Variants in ZNF266 observed in about 807,000 individuals in gnomAD.
ZNF266 encodes zinc finger protein 1.
Under a neutral mutation model 16.4 loss-of-function variants are expected in ZNF266, and 16 were observed. That is an observed-to-expected ratio of 0.98 (90% CI 0.66 to 1.48). The LOEUF (loss-of-function observed/expected upper bound fraction) is 1.48. ZNF266 is among the 40% of genes most tolerant of loss of function. The pLI is 0.00. For synonymous variants in ZNF266, 262 were observed against 237.9 expected (o/e 1.10, Z -0.93); for missense variants, 738 against 689.1 (o/e 1.07, Z -0.79).
chr19:9,427,389 G>A (rs1202730951), intron 5 of ZNF266, among the ~76,000 whole-genome samples: 7 of 151,796 alleles, frequency 4.6e-5, no homozygotes, highest in African/African-American at 1.5e-4. Flanking sequence ...GCACAATCTC[G>A]GTTCACTGCA....
At chr19:9,432,776 A>C (rs1170202178) in intron 5 of ZNF266, among the ~76,000 whole-genome samples, 2 of 117,842 alleles carry the variant, frequency 1.7e-5, no homozygotes, top group Non-Finnish European at 3.7e-5. Context: ...GATGGCAGTT[A>C]ACAGTGGTGG....
At chr19:9,417,622 G>T (rs1599453907) in intron 9 of ZNF266, among the ~76,000 whole-genome samples, 2 of 152,060 alleles carry the variant, frequency 1.3e-5, no homozygotes, top group East Asian at 3.9e-4. Context: ...AGCTACTCAG[G>T]GGGCTGAGGC....
intron 5 of ZNF266, among the ~76,000 whole-genome samples, chr19:9,432,919 T>A (rs2071837368): frequency 6.6e-6 from 1 of 152,154 alleles, no homozygotes; most frequent in Non-Finnish European, 1.5e-5. Flanking sequence ...TGTATCATTA[T>A]CAAATGTTTT....
rs2123146202 is a variant in ZNF266 at position 9,423,127 on chromosome 19, G to A, written c.-129-2909C>T. Among the ~76,000 whole-genome samples, 5 of 152,320 alleles carry A rather than the reference G, an allele frequency of 3.3e-5. 1 individual carries two copies. In the South Asian group the frequency reaches 1.0e-3, roughly 32 times the overall value. On this transcript the variant is annotated intron_variant, in intron 5 of 10. Transcript: ENST00000592904. Reference sequence around the variant, plus strand: ...TCATGACAGCAGGGATAAAGGCTATGTGTGGGCTCAGCAATAAGGACTTCC... The same window carrying A: ...TCATGACAGCAGGGATAAAGGCTATATGTGGGCTCAGCAATAAGGACTTCC...
Position 9,413,712 on chromosome 19 carries a change from C to T in ZNF266, c.1414G>A (p.Glu472Lys), listed in dbSNP as rs767893799. ...CATTTGACACATTCAAAAGGCTTCT[C>T]TCCAGTGTGAGTTCTTGTATGTTCA... ...LSEHTRTHTGEKPFECVKCGK... is the reference protein window; with the variant it reads ...LSEHTRTHTGKKPFECVKCGK... Residue 472 changes from glutamate (E) to lysine (K), a missense_variant, in exon 11 of 11, where the codon GAG (glutamate) becomes AAG (lysine). Glu to Lys is a moderately conservative substitution (Grantham distance 56). Coordinates refer to ENST00000592904, the MANE Select transcript of ZNF266 (RefSeq NM_001370374.1). The T allele has an allele frequency of 1.5e-5, 25 of 1,614,090 alleles. No homozygotes were observed. The highest frequency in any genetic ancestry group is 2.1e-5 in the Non-Finnish European group (25 of 1,180,040).
intron 5 of ZNF266, among the ~76,000 whole-genome samples, chr19:9,432,190 C>A (rs1401186088): frequency 6.6e-6 from 1 of 152,126 alleles, no homozygotes; most frequent in Non-Finnish European, 1.5e-5. Flanking sequence ...AACTCCTGAC[C>A]TGAAGTGATC....
intron 5 of ZNF266, among the ~76,000 whole-genome samples, chr19:9,424,220 C>CAAAAAAAAAAAAAAAAA (rs55740067): frequency 8.2e-6 from 1 of 121,630 alleles, no homozygotes; most frequent in Admixed American, 8.5e-5. Context: ...AACCAAGAGG[C>CAAAAAAAAAAAAAAAAA]AAAAAAAAAA....
chr19:9,423,560 C>A (rs993860268), intron 5 of ZNF266, among the ~76,000 whole-genome samples: 1 of 152,192 alleles, frequency 6.6e-6, no homozygotes, highest in East Asian at 1.9e-4. Flanking sequence ...AAAGTGGAAT[C>A]GCATACTGAA....
chr19:9,420,259 G>C (rs2069654219), intron 5 of ZNF266, 41 bp from the exon 6 acceptor site: 1 of 152,212 alleles, frequency 6.6e-6, no homozygotes, highest in Admixed American at 6.5e-5. Context: ...TTACTTATCA[G>C]TCATCAGACA....
chr19:9,423,090 A>G (rs1181980582), intron 5 of ZNF266, among the ~76,000 whole-genome samples: 2 of 152,212 alleles, frequency 1.3e-5, no homozygotes, highest in Non-Finnish European at 2.9e-5. Context: ...CAATGGGCCC[A>G]TTAAAAAATG....
intron 9 of ZNF266, among the ~76,000 whole-genome samples, chr19:9,417,262 G>A (rs150172801): frequency 7.9e-5 from 12 of 152,096 alleles, no homozygotes; most frequent in South Asian, 4.2e-4. Context: ...CCGGCTACTC[G>A]GGAGGACGAG....
rs754531737 is a variant in ZNF266, at chr19:9,414,462, C to A, written c.664G>T (p.Ala222Ser). The change falls in exon 11 of 11, where the codon GCT becomes TCT. Residue 222 changes from alanine to serine, a missense_variant. By Grantham distance (99) the Ala-to-Ser change is moderately conservative. Coordinates refer to ENST00000592904, the MANE Select transcript of ZNF266 (RefSeq NM_001370374.1). ...TTCCCAGAGTCACTGCAATCAAAAG[C>A]TTTCTCTCCTGTGCACGTTCTCTGG... ...VCQRTCTGEK[A>S]FDCSDSGKSF... is the part of the protein sequence containing the mutation. The A allele has an allele frequency of 2.5e-6, 4 of 1,614,066 alleles. No homozygotes were observed. In the African/African-American group the frequency reaches 4.0e-5, roughly 16 times the overall value.
At chr19:9,419,809 G>A (rs2069572332) in intron 6 of ZNF266, 2 of 150,694 alleles carry the variant, frequency 1.3e-5, no homozygotes, top group Non-Finnish European at 2.9e-5. Context: ...GCTGAGGCAG[G>A]AAAATCGCTT....
Position 9,414,175 on chromosome 19 carries a change from G to A in ZNF266, c.951C>T (p.Thr317=). 6.2e-7 allele frequency: 1 copy of A among 1,612,472 alleles called. No homozygotes were observed. The highest frequency in any genetic ancestry group is 8.5e-7 in the Non-Finnish European group (1 of 1,179,450). The change falls in exon 11 of 11, where the codon ACC becomes ACT. Residue 317 remains threonine, a synonymous_variant. Transcript: ENST00000592904. The stretch of plus-strand genomic sequence containing the variant: ...TGTGCTGAGTAAGTTGACAAGACCT[G>A]GTGAAGGCTTTCCCACACTCCTTAC... ...YECKECGKAF[T]RSCQLTQHRK... is the part of the protein sequence containing the mutation.
In ZNF266 at chr19:9,415,710, CTT is replaced by C. The variant is rs2068874833; in HGVS notation, c.347_348del (p.Lys116ArgfsTer30). On this transcript the variant is annotated frameshift_variant, in exon 10 of 11. Transcript: ENST00000592904. LOFTEE classifies it high-confidence loss of function. ...AAAACATCCTGCTGAAGGGCTAACT[CTT>C]TGGTTTTAAGTTGCACTTTCCATTC... ...ASEWKVQLKT[K>X]ELALQQDVLG... 1.9e-6 allele frequency: 3 copies of C among 1,613,370 alleles called. No homozygotes were observed. The highest frequency in any genetic ancestry group is 2.2e-5 in the South Asian group (2 of 91,076).
chr19:9,429,868 A>AG (rs569203484), intron 5 of ZNF266, among the ~76,000 whole-genome samples: 16 of 152,268 alleles, frequency 1.1e-4, no homozygotes, highest in African/African-American at 3.1e-4. Context: ...CCTTAACCCC[A>AG]GGGAGGGGAC....
At chr19:9,428,335 G>A (rs1460713564) in intron 5 of ZNF266, among the ~76,000 whole-genome samples, 3 of 152,184 alleles carry the variant, frequency 2.0e-5, no homozygotes, top group African/African-American at 4.8e-5. Context: ...TAATCCACCC[G>A]CAGAAGGCAG....
In ZNF266 at chr19:9,419,716, A is replaced by C. The variant is rs576806278; in HGVS notation, c.25+349T>G. ...GGAGTTCGAGACCATCCTGGCCAAC[A>C]TGGTGAAACTCCATCTCTACTAAAA... On this transcript the variant is annotated intron_variant, in intron 6 of 10. Coordinates refer to ENST00000592904, the MANE Select transcript of ZNF266 (RefSeq NM_001370374.1). 6 of 152,234 alleles carry C rather than the reference A, an allele frequency of 3.9e-5. No individual in the cohort carries two copies. In the Middle Eastern group the frequency reaches 0.017, roughly 432 times the overall value. The allele number at this position is 152,234 out of a possible 1,614,324, so 9.4% of individuals were successfully genotyped here.
chr19:9,416,396 T>C (rs1239493874), intron 9 of ZNF266, among the ~76,000 whole-genome samples: 1 of 143,438 alleles, frequency 7.0e-6, no homozygotes, highest in Non-Finnish European at 1.5e-5. Flanking sequence ...AGACTTTCAC[T>C]CTTGTCACTC....
Sources: allele counts gnomAD v4.1 joint callset (sites outside exome capture counted in the v4.1 genomes callset), GRCh38; gene constraint gnomAD v4.1.1; transcripts MANE v1.5; gene names NCBI Gene and HGNC (gene_info 2026-07-23, HGNC 2026-07-21).